The following GLDN variants were observed in gnomAD, a reference collection of about 807,000 sequenced individuals.
GLDN encodes the protein gliomedin.
GLDN carries 47 observed loss-of-function variants against 56.5 expected under a neutral mutation model. The ratio of observed to expected loss-of-function variants is 0.83; its 90% confidence interval spans 0.66 to 1.06. The LOEUF is 1.06. Ranked by LOEUF, GLDN falls within the 50% of genes least tolerant of loss-of-function variation. The pLI, the probability that GLDN is intolerant of heterozygous loss-of-function variation, is 0.00. For missense variants in GLDN, 782 were observed against 714.3 expected (o/e 1.09, Z -1.08); for synonymous variants, 332 against 278.8 (o/e 1.19, Z -1.90).
intron 1 of GLDN, among the ~76,000 whole-genome samples, chr15:51,354,039 T>C (rs2037128899): frequency 6.6e-6 from 1 of 152,218 alleles, no homozygotes; most frequent in Non-Finnish European, 1.5e-5. Context: ...TATCTAAAGT[T>C]GAAGACACAC....
intron 1 of GLDN, among the ~76,000 whole-genome samples, chr15:51,358,653 AGG>A (rs1340549385): frequency 6.6e-6 from 1 of 152,192 alleles, no homozygotes; most frequent in Middle Eastern, 3.2e-3. Flanking sequence ...AGTGCTCACT[AGG>A]GGATGACTAG....
intron 1 of GLDN, among the ~76,000 whole-genome samples, chr15:51,370,546 A>G (rs1472218778): frequency 6.6e-6 from 1 of 152,170 alleles, no homozygotes; most frequent in African/African-American, 2.4e-5. Flanking sequence ...ATTTCAAGTG[A>G]TGGGGGTAAT....
At chr15:51,358,297 C>T (rs965813879) in intron 1 of GLDN, among the ~76,000 whole-genome samples, 1 of 152,156 alleles carries the variant, frequency 6.6e-6, no homozygotes, top group East Asian at 1.9e-4. Context: ...CAGTGCCTAC[C>T]CTAAAACTGT....
Position 51,378,326 on chromosome 15 carries a change from C to T in GLDN, c.415+826C>T, listed in dbSNP as rs540186198. On this transcript the variant is annotated intron_variant, in intron 2 of 9. Coordinates refer to ENST00000335449, the MANE Select transcript of GLDN (RefSeq NM_181789.4). The stretch of plus-strand genomic sequence containing the variant: ...TAATTGAATAACTCAAGTCATATTC[C>T]GGCCCTCACTGAAAATTAAAGATCT... Among the ~76,000 whole-genome samples, 7 of 152,278 alleles carry T rather than the reference C, an allele frequency of 4.6e-5. No homozygotes were observed. In the South Asian group the frequency reaches 8.3e-4, roughly 18 times the overall value.
intron 1 of GLDN, among the ~76,000 whole-genome samples, chr15:51,362,872 T>A (rs1437418115): frequency 6.6e-6 from 1 of 152,124 alleles, no homozygotes; most frequent in Non-Finnish European, 1.5e-5. Context: ...GTCTGATAGT[T>A]GAGCTGATAA....
At chr15:51,355,797 A>G (rs1247518144) in intron 1 of GLDN, among the ~76,000 whole-genome samples, 8 of 149,694 alleles carry the variant, frequency 5.3e-5, no homozygotes, top group South Asian at 2.2e-4. Flanking sequence ...TGCTGGGATT[A>G]CAGGCGTGAG....
chr15:51,357,413 G>A (rs1840503380), intron 1 of GLDN, among the ~76,000 whole-genome samples: 1 of 152,196 alleles, frequency 6.6e-6, no homozygotes, highest in South Asian at 2.1e-4. Context: ...AGTAACACTG[G>A]ACCCCTTTCA....
intron 2 of GLDN, among the ~76,000 whole-genome samples, chr15:51,380,484 G>A (rs527479171): frequency 1.3e-5 from 2 of 152,194 alleles, no homozygotes; most frequent in African/African-American, 4.8e-5. Flanking sequence ...TTTGACACAT[G>A]TGGGAGCTCT....
intron 4 of GLDN, among the ~76,000 whole-genome samples, chr15:51,387,925 A>G (rs1377737658): frequency 6.6e-6 from 1 of 152,172 alleles, no homozygotes; most frequent in East Asian, 1.9e-4. Context: ...TACTTTTGTT[A>G]GCCATATTTT....
rs922347812 is a variant in GLDN at position 51,404,138 on chromosome 15, T to C, written c.1179-139T>C. The C allele has an allele frequency of 7.3e-6, 5 of 687,158 alleles. No individual in the cohort carries two copies. In the African/African-American group the frequency reaches 8.9e-5, roughly 12 times the overall value. The allele number at this position is 687,158 out of a possible 1,614,324, so 42.6% of individuals were successfully genotyped here. A position where few individuals can be genotyped will look rare whatever the true frequency, so the allele number is the denominator to read the frequency against. On this transcript the variant is annotated intron_variant, in intron 9 of 9. Transcript: ENST00000335449. ...GCCCAAGGACCAGCAGAGCAGGCATTACCTGGGAGCTTGTAAGGAATGCAA... is the reference window on the plus strand; with the variant it reads ...GCCCAAGGACCAGCAGAGCAGGCATCACCTGGGAGCTTGTAAGGAATGCAA...
intron 1 of GLDN, among the ~76,000 whole-genome samples, chr15:51,372,977 C>T (rs7178523): frequency 0.12 from 17,722 of 152,086 alleles, 1,965 homozygotes; most frequent in African/African-American, 0.29. Flanking sequence ...ACTCAAGCCC[C>T]CTTATAATCA....
Position 51,401,376 on chromosome 15 carries a change from C to A in GLDN, c.1028-217C>A, listed in dbSNP as rs1370837452. ...CATAGTTCTCCCAGGAGCAGCCAGGCCAGTTCAATGCCTACCACATTTGAA... is the reference window on the plus strand; with the variant it reads ...CATAGTTCTCCCAGGAGCAGCCAGGACAGTTCAATGCCTACCACATTTGAA... On this transcript the variant is annotated intron_variant, in intron 8 of 9. Transcript: ENST00000335449. Among the ~76,000 whole-genome samples the A allele has an allele frequency of 3.9e-5, 6 of 152,190 alleles. No individual in the cohort carries two copies. In the East Asian group the frequency reaches 5.8e-4, roughly 15 times the overall value.
chr15:51,369,150 C>G (rs2037466111), intron 1 of GLDN: 3 of 152,212 alleles, frequency 2.0e-5, no homozygotes, highest in African/African-American at 7.2e-5. Flanking sequence ...CATCTGCGAT[C>G]TAACCCTCCA....
At chr15:51,344,499 C>A (rs996929716) in intron 1 of GLDN, among the ~76,000 whole-genome samples, 1 of 152,220 alleles carries the variant, frequency 6.6e-6, no homozygotes, top group Admixed American at 6.5e-5. Context: ...TAAAAAACAT[C>A]ATTTGGTAGC....
intron 1 of GLDN, among the ~76,000 whole-genome samples, chr15:51,351,409 A>C (rs777127084): frequency 8.5e-5 from 13 of 152,166 alleles, no homozygotes; most frequent in Non-Finnish European, 1.6e-4. Context: ...ACTCAGAGTC[A>C]CATTAAAAGT....
chr15:51,378,699 C>T (rs534212477), intron 2 of GLDN, among the ~76,000 whole-genome samples: 1 of 152,340 alleles, frequency 6.6e-6, no homozygotes, highest in South Asian at 2.1e-4. Flanking sequence ...ACAGCACCTT[C>T]TCCTTTCATG....
At chr15:51,349,364 C>T (rs1052762644) in intron 1 of GLDN, among the ~76,000 whole-genome samples, 1 of 152,240 alleles carries the variant, frequency 6.6e-6, no homozygotes, top group Non-Finnish European at 1.5e-5. Flanking sequence ...AGGATTTAGA[C>T]TGGGGTCAGC....
In GLDN at chr15:51,407,761, G is replaced by C. The variant is rs2038415965; in HGVS notation, c.*3007G>C. The C allele has an allele frequency of 6.6e-6, 1 of 152,208 alleles. No homozygotes were observed. The highest frequency in any genetic ancestry group is 6.5e-5 in the Admixed American group (1 of 15,274). The allele number at this position is 152,208 out of a possible 1,614,324, so 9.4% of individuals were successfully genotyped here. ...AATGAAACAGTACAATTCTTGATGAGTGAGGTGTCATCTTCCAACCACACA... is the reference window on the plus strand; with the variant it reads ...AATGAAACAGTACAATTCTTGATGACTGAGGTGTCATCTTCCAACCACACA... On this transcript the variant is annotated 3_prime_UTR_variant, in exon 10 of 10. Transcript: ENST00000335449.
chr15:51,401,891 G>A, intron 9 of GLDN, 148 bp downstream of exon 9: 1 of 702,338 alleles, frequency 1.4e-6, no homozygotes. Context: ...TTTGTCGACT[G>A]AATGAATCAC....
Sources: gnomAD v4.1 joint callset for allele counts (sites outside exome capture counted in the v4.1 genomes callset) on GRCh38, gnomAD v4.1.1 for gene constraint, MANE v1.5 for transcripts, NCBI Gene and HGNC (gene_info 2026-07-23, HGNC 2026-07-21) for gene names.